ADGRL3: variants seen among roughly 807,000 people sequenced by gnomAD.
ADGRL3 encodes the protein calcium-independent alpha-latrotoxin receptor 3.
In ADGRL3, 62 loss-of-function variants were observed where a neutral mutation model predicts 153.5. That is an observed-to-expected ratio of 0.40 (90% CI 0.33 to 0.50). ADGRL3 has a LOEUF of 0.50. ADGRL3 is among the 20% of genes least tolerant of loss of function. ADGRL3 has a pLI of 0.47. For missense variants in ADGRL3, 1,641 were observed against 1,859.4 expected (o/e 0.88, Z 2.16); for synonymous variants, 710 against 672.5 (o/e 1.06, Z -0.86).
chr4:61,757,457 G>A (rs139784324), intron 8 of ADGRL3, among the ~76,000 whole-genome samples: 3,397 of 152,116 alleles, frequency 0.022, 53 homozygotes, highest in African/African-American at 0.036. Flanking sequence ...CTGTGGGATC[G>A]GCAGTGATAT....
intron 5 of ADGRL3, among the ~76,000 whole-genome samples, chr4:61,621,772 G>A (rs754779876): frequency 6.6e-6 from 1 of 151,906 alleles, no homozygotes; most frequent in African/African-American, 2.4e-5. Context: ...ACATTTTAGT[G>A]TTTTATTTCC....
chr4:62,003,950 A>G (rs1381502900), intron 21 of ADGRL3, among the ~76,000 whole-genome samples: 1 of 152,106 alleles, frequency 6.6e-6, no homozygotes. Context: ...AGGCTTCTGA[A>G]TCGCTTCAGG....
chr4:61,369,469 C>T (rs1315199650), intron 1 of ADGRL3, among the ~76,000 whole-genome samples: 1 of 152,070 alleles, frequency 6.6e-6, no homozygotes, highest in Non-Finnish European at 1.5e-5. Flanking sequence ...AAGGCCTTTT[C>T]TGCATCTATT....
chr4:61,645,585 C>A (rs932905863), intron 5 of ADGRL3, among the ~76,000 whole-genome samples: 15 of 152,236 alleles, frequency 9.9e-5, no homozygotes, highest in South Asian at 4.2e-4. Flanking sequence ...GTTGAAAATT[C>A]TTTTCTTTAA....
chr4:61,871,358 T>C (rs182807877), intron 9 of ADGRL3, among the ~76,000 whole-genome samples: 120 of 152,270 alleles, frequency 7.9e-4, no homozygotes, highest in Middle Eastern at 3.4e-3. Context: ...TCATCTGAAT[T>C]TCCAGCAACA....
At chr4:61,326,330 A>G (rs1482544955) in intron 1 of ADGRL3, among the ~76,000 whole-genome samples, 1 of 152,034 alleles carries the variant, frequency 6.6e-6, no homozygotes. Flanking sequence ...ACAGAAGGAG[A>G]TTCCTGACCA....
chr4:61,513,817 G>A (rs796383463), intron 3 of ADGRL3, among the ~76,000 whole-genome samples: 85 of 152,260 alleles, frequency 5.6e-4, no homozygotes, highest in African/African-American at 1.9e-3. Flanking sequence ...TTTCTCTGAA[G>A]ATGGATAGAA....
At chr4:61,863,480 G>T (rs865801072) in intron 9 of ADGRL3, among the ~76,000 whole-genome samples, 1 of 151,514 alleles carries the variant, frequency 6.6e-6, no homozygotes, top group South Asian at 2.1e-4. Flanking sequence ...CTCGTGATCC[G>T]CCCGCCTCGG....
chr4:61,658,264 C>A (rs934073818), intron 5 of ADGRL3, among the ~76,000 whole-genome samples: 4 of 152,056 alleles, frequency 2.6e-5, no homozygotes, highest in Non-Finnish European at 5.9e-5. Flanking sequence ...GCTCCTTAAG[C>A]CTTCAGGCCT....
intron 8 of ADGRL3, among the ~76,000 whole-genome samples, chr4:61,812,526 A>G (rs1480160755): frequency 1.3e-5 from 2 of 152,244 alleles, no homozygotes. Context: ...AAATTGCTAT[A>G]GTAAATGTGT....
At chr4:61,357,086 C>CATT (rs2096188493) in intron 1 of ADGRL3, among the ~76,000 whole-genome samples, 1 of 151,972 alleles carries the variant, frequency 6.6e-6, no homozygotes, top group African/African-American at 2.4e-5. Flanking sequence ...ATACTCAGTT[C>CATT]ATTAGCATTA....
intron 5 of ADGRL3, among the ~76,000 whole-genome samples, chr4:61,594,697 T>C (rs747199471): frequency 1.3e-5 from 2 of 152,140 alleles, no homozygotes; most frequent in African/African-American, 2.4e-5. Context: ...ACTGGGACTG[T>C]GCTGGGTCAG....
At chr4:61,275,205 C>G (rs1210399481) in intron 1 of ADGRL3, among the ~76,000 whole-genome samples, 2 of 152,064 alleles carry the variant, frequency 1.3e-5, no homozygotes, top group Non-Finnish European at 2.9e-5. Context: ...GTCAGTTGTG[C>G]CATTTAAACC....
At chr4:61,578,744 T>G (rs2098907684) in intron 4 of ADGRL3, among the ~76,000 whole-genome samples, 2 of 152,128 alleles carry the variant, frequency 1.3e-5, no homozygotes, top group African/African-American at 4.8e-5. Flanking sequence ...AACTCAAATC[T>G]TCGTCATTCG....
intron 8 of ADGRL3, among the ~76,000 whole-genome samples, chr4:61,750,656 G>A (rs1484440502): frequency 1.3e-5 from 2 of 151,372 alleles, no homozygotes; most frequent in Non-Finnish European, 3.0e-5. Flanking sequence ...CGGGCGTAGT[G>A]GCGGGCGCCT....
At chr4:61,909,491 C>T (rs2098711957) in intron 11 of ADGRL3, 69 bp from the exon 12 acceptor site, 5 of 1,036,462 alleles carry the variant, frequency 4.8e-6, no homozygotes, top group Admixed American at 2.5e-5. Flanking sequence ...CAAACATGAT[C>T]GTTGAAAGAA....
chr4:61,501,840 A>G (rs2098390306), intron 3 of ADGRL3, among the ~76,000 whole-genome samples: 1 of 152,202 alleles, frequency 6.6e-6, no homozygotes, highest in Non-Finnish European at 1.5e-5. Flanking sequence ...AAATATGTAC[A>G]ATTTTTTAAA....
chr4:61,609,064 T>C (rs2099043537), intron 5 of ADGRL3, among the ~76,000 whole-genome samples: 2 of 152,184 alleles, frequency 1.3e-5, no homozygotes, highest in African/African-American at 4.8e-5. Flanking sequence ...TGTTAGTGTT[T>C]ATGTAGATAA....
At chr4:62,023,974 G>A (rs1716830613) in intron 21 of ADGRL3, among the ~76,000 whole-genome samples, 1 of 152,006 alleles carries the variant, frequency 6.6e-6, no homozygotes, top group Admixed American at 6.6e-5. Flanking sequence ...GTATTTAATT[G>A]TATAAATGAA....
Sources: allele counts gnomAD v4.1 joint callset (sites outside exome capture counted in the v4.1 genomes callset), GRCh38; gene constraint gnomAD v4.1.1; transcripts MANE v1.5; gene names NCBI Gene and HGNC (gene_info 2026-07-23, HGNC 2026-07-21).